The following OGDHL variants were observed in gnomAD, a reference collection of about 807,000 sequenced individuals.
OGDHL encodes oxoglutarate dehydrogenase L.
A neutral mutation model predicts 109.6 loss-of-function variants in OGDHL; 79 were observed. The ratio of observed to expected loss-of-function variants is 0.72; its 90% CI spans 0.60 to 0.87. The LOEUF (loss-of-function observed/expected upper bound fraction) is 0.87, where lower values mean the gene tolerates loss of function less well. Among genes scored for constraint, OGDHL ranks in the 40% least tolerant of loss-of-function variants. The pLI, the probability that OGDHL is intolerant of heterozygous loss-of-function variation, is 0.00. For synonymous variants in OGDHL, 528 were observed against 537.2 expected, an observed-to-expected ratio of 0.98 and a Z score of 0.24; for missense variants, 1,275 against 1,362.2, an observed-to-expected ratio of 0.94 and a Z score of 1.01.
At chr10:49,744,504 C>T (rs576200285) in intron 13 of OGDHL, 146 bp downstream of exon 13, 3 of 652,742 alleles carry the variant, frequency 4.6e-6, no homozygotes, top group African/African-American at 3.6e-5. Flanking sequence ...GAATCGGCCC[C>T]ACGCAGCTTT....
chr10:49,753,757 G>C (rs1357527506), intron 3 of OGDHL, among the ~76,000 whole-genome samples: 2 of 152,126 alleles, frequency 1.3e-5, no homozygotes, highest in African/African-American at 4.8e-5. Flanking sequence ...GGGCGTGGCG[G>C]CACATGCCTG....
chr10:49,740,792 C>T lies in OGDHL; in HGVS notation c.2058G>A (p.Thr686=), dbSNP rs778277423. ...GCCAGAGATGATTCATAGGCACACA[C>T]GTCCTGCGGTCAACCTCCTGGTCAT... ...VLHDQEVDRR[T]CVPMNHLWPD... is the part of the protein sequence containing the mutation. Residue 686 remains threonine (T), a synonymous_variant, in exon 16 of 23, where the codon ACG becomes ACA. Transcript: ENST00000374103. 2.7e-5 allele frequency: 44 copies of T among 1,613,836 alleles called. No homozygotes were observed. The highest frequency in any genetic ancestry group is 2.5e-4 in the African/African-American group (19 of 74,928).
chr10:49,751,520 C>A (rs1262131771), intron 6 of OGDHL, among the ~76,000 whole-genome samples: 1 of 152,196 alleles, frequency 6.6e-6, no homozygotes, highest in Non-Finnish European at 1.5e-5. Context: ...CACTCCACAC[C>A]AGGGATAATT....
chr10:49,745,171 G>A (rs754711243), intron 12 of OGDHL, among the ~76,000 whole-genome samples, 173 bp downstream of exon 12: 42 of 152,238 alleles, frequency 2.8e-4, no homozygotes, highest in Non-Finnish European at 5.3e-4. Flanking sequence ...GGCTGTAACT[G>A]CATCCTTAGT....
intron 6 of OGDHL, 150 bp from the exon 7 acceptor site, chr10:49,751,135 C>T: frequency 1.4e-6 from 1 of 716,662 alleles, no homozygotes. Context: ...GTCCAGGGCC[C>T]ACCATGGATA....
chr10:49,750,041 A>T (rs776100627), intron 7 of OGDHL, among the ~76,000 whole-genome samples: 9 of 152,090 alleles, frequency 5.9e-5, no homozygotes, highest in Non-Finnish European at 1.2e-4. Flanking sequence ...GCTCTGCCTA[A>T]CTCTCTGACC....
At chr10:49,748,315 G>C (rs949475141) in intron 8 of OGDHL, among the ~76,000 whole-genome samples, 2 of 152,190 alleles carry the variant, frequency 1.3e-5, no homozygotes, top group African/African-American at 4.8e-5. Context: ...CCGGTGTCAC[G>C]GCTATGCCCA....
chr10:49,742,143 CAT>C (rs367655812), intron 15 of OGDHL, among the ~76,000 whole-genome samples: 33,492 of 141,022 alleles, frequency 0.24, 4,244 homozygotes, highest in African/African-American at 0.36. Flanking sequence ...ACACACCAAA[CAT>C]ACACACACAT....
intron 15 of OGDHL, among the ~76,000 whole-genome samples, chr10:49,741,199 G>C (rs1206650122): frequency 6.6e-6 from 1 of 152,084 alleles, no homozygotes; most frequent in Non-Finnish European, 1.5e-5. Flanking sequence ...TAGAGCCAGA[G>C]ACCCTAGGAG....
chr10:49,742,954 C>A lies in OGDHL; in HGVS notation c.1886G>T (p.Arg629Leu). 1 of 1,613,636 alleles carries A rather than the reference C, an allele frequency of 6.2e-7. No individual in the cohort carries two copies. The highest frequency in any genetic ancestry group is 8.5e-7 in the Non-Finnish European group (1 of 1,179,994). The change falls in exon 15 of 23, where the codon CGT becomes CTT. Residue 629 changes from arginine (R) to leucine (L), a missense_variant. Transcript: ENST00000374103. ...CGTCCGGTTCTTGGTCATGTCCGCA[C>A]GGCCCCGCAGAATGCGAGAGAGGCC... ...HTGLSRILRG[R>L]ADMTKNRTVD...
chr10:49,740,949 G>C (rs978675989), intron 15 of OGDHL, 112 bp from the exon 16 acceptor site: 6 of 1,382,314 alleles, frequency 4.3e-6, no homozygotes, highest in Non-Finnish European at 6.0e-6. Flanking sequence ...CACTGTCCCA[G>C]GAAACCTGCA....
chr10:49,744,865 C>G, intron 12 of OGDHL, 113 bp from the exon 13 acceptor site: 1 of 838,008 alleles, frequency 1.2e-6, no homozygotes, highest in Non-Finnish European at 2.0e-6. Flanking sequence ...CTAGAACTCT[C>G]TGTCTCTGGC....
In OGDHL at chr10:49,752,192, T is replaced by C; in HGVS notation, c.535A>G (p.Thr179Ala). Reference sequence around the variant, plus strand: ...GTGTTTTCAGAGCCCCCAATGAAGGTGGTTGTCGGCAGCTGGAACTCCTTA... The same window carrying C: ...GTGTTTTCAGAGCCCCCAATGAAGGCGGTTGTCGGCAGCTGGAACTCCTTA... Reference protein sequence around the residue: ...LDKEFQLPTTTFIGGSENTLS... With the variant: ...LDKEFQLPTTAFIGGSENTLS... The change falls in exon 5 of 23, where the codon ACC becomes GCC. Residue 179 changes from threonine to alanine, a missense_variant. Physicochemically the swap from Thr to Ala is moderately conservative, Grantham distance 58. Coordinates refer to ENST00000374103, the MANE Select transcript of OGDHL (RefSeq NM_018245.3). 7 of 1,614,028 alleles carry C rather than the reference T, an allele frequency of 4.3e-6. No homozygotes were observed. Among genetic ancestry groups the C allele is most frequent in the African/African-American group, 1.3e-5 (1 of 75,026 alleles).
At chr10:49,743,796 C>T in intron 14 of OGDHL, 198 bp downstream of exon 14, 1 of 559,448 alleles carries the variant, frequency 1.8e-6, no homozygotes, top group Non-Finnish European at 3.0e-6. Flanking sequence ...GCATCTGGAG[C>T]TGCCCAGCTC....
At position 49,738,243 on chromosome 10, in the gene OGDHL, G is replaced by A. The variant is rs369103543; in HGVS notation, c.2339C>T (p.Ala780Val). 12 of 1,613,110 alleles carry A rather than the reference G, an allele frequency of 7.4e-6. No homozygotes were observed. Among genetic ancestry groups the A allele is most frequent in the Admixed American group, 1.7e-5 (1 of 60,004 alleles). Residue 780 changes from alanine to valine, a missense_variant, in exon 18 of 23, where the codon GCG becomes GTG. By Grantham distance (64) the Ala-to-Val change is moderately conservative (BLOSUM62 0). Transcript: ENST00000374103. ...CATCTGCAGGAACCTTTCGGGCCTC[G>A]CTGACGAGTGCTCTGGGCCCTGAAA... Reference protein sequence around the residue: ...MEGMGPEHSSARPERFLQMSN... With the variant: ...MEGMGPEHSSVRPERFLQMSN...
In OGDHL at chr10:49,738,016, G is replaced by C. The variant is rs1259731229; in HGVS notation, c.2448C>G (p.Val816=). 2 of 1,614,038 alleles carry C rather than the reference G, an allele frequency of 1.2e-6. No individual in the cohort carries two copies. Among genetic ancestry groups the C allele is most frequent in the African/African-American group, 2.7e-5 (2 of 74,922 alleles). ...AGTAGTTGGCCGGTGTGGAGCAGTT[G>C]ACCACGATCCAGTTGCAGTCATAGA... ...SQLYDCNWIV[V]NCSTPANYFH... is the part of the protein sequence containing the mutation. Residue 816 remains valine (V), a synonymous_variant, in exon 19 of 23, where the codon GTC becomes GTG. Coordinates refer to ENST00000374103, the MANE Select transcript of OGDHL (RefSeq NM_018245.3).
intron 2 of OGDHL, among the ~76,000 whole-genome samples, chr10:49,757,875 G>A (rs1485692392): frequency 1.3e-5 from 2 of 152,342 alleles, no homozygotes; most frequent in South Asian, 2.1e-4. Context: ...GGGGGACAGT[G>A]GGAACTGAGC....
chr10:49,758,028 AT>A (rs1164406803), intron 2 of OGDHL, among the ~76,000 whole-genome samples: 1 of 152,088 alleles, frequency 6.6e-6, no homozygotes, highest in Non-Finnish European at 1.5e-5. Context: ...ATCTAATTTA[AT>A]TTTTTTCTTT....
chr10:49,755,251 A>G (rs529908451), intron 3 of OGDHL, among the ~76,000 whole-genome samples: 42 of 152,370 alleles, frequency 2.8e-4, no homozygotes, highest in African/African-American at 9.9e-4. Flanking sequence ...CTAAAAAGAA[A>G]AAAAGAAAGC....
Sources: gnomAD v4.1 joint callset for allele counts (sites outside exome capture counted in the v4.1 genomes callset) on GRCh38, gnomAD v4.1.1 for gene constraint, MANE v1.5 for transcripts, NCBI Gene and HGNC (gene_info 2026-07-23, HGNC 2026-07-21) for gene names.